CSMD1: variants seen among roughly 807,000 people sequenced by gnomAD.
CSMD1 encodes the protein CUB and sushi domain-containing protein 1.
A neutral mutation model predicts 417.5 loss-of-function variants in CSMD1; 213 were observed. That is an observed-to-expected ratio of 0.51 (90% CI 0.46 to 0.57). The LOEUF is 0.57. Ranked by LOEUF, CSMD1 falls within the 20% of genes least tolerant of loss-of-function variation. The pLI is 0.00. For missense variants in CSMD1, 6,923 were observed against 4,529.7 expected, an observed-to-expected ratio of 1.53 and a Z score of -15.17; for synonymous variants, 2,862 against 1,736.8, an observed-to-expected ratio of 1.65 and a Z score of -16.11.
At chr8:4,254,029 G>T (rs189418010) in intron 3 of CSMD1, among the ~76,000 whole-genome samples, 1 of 140,846 alleles carries the variant, frequency 7.1e-6, no homozygotes, top group African/African-American at 2.6e-5. Context: ...CCATTCTCCC[G>T]CCTCAGCCTC....
At position 4,856,485 on chromosome 8, in the gene CSMD1, G is replaced by C. The variant is rs1156808262; in HGVS notation, c.85+137847C>G. Among the ~76,000 whole-genome samples the C allele has an allele frequency of 4.7e-4, 66 of 139,700 alleles. 14 individuals are homozygous for C. Among genetic ancestry groups the C allele is most frequent in the African/African-American group, 1.8e-3 (62 of 33,786 alleles). The allele number at this position is 139,700 out of a possible 152,430, so 91.6% of individuals were successfully genotyped here. ...CACAGACTGGCAAATTGGATAAATA[G>C]TCAACACCCATCAGTGTGCTGTATT... On this transcript the variant is annotated intron_variant, in intron 1 of 69. Transcript: ENST00000635120.
intron 5 of CSMD1, among the ~76,000 whole-genome samples, chr8:3,793,344 A>G (rs1461528746): frequency 2.6e-5 from 4 of 152,170 alleles, no homozygotes; most frequent in Non-Finnish European, 4.4e-5. Flanking sequence ...GTCCATGACT[A>G]TCATTTAAAT....
chr8:4,904,236 G>C (rs1007035241), intron 1 of CSMD1, among the ~76,000 whole-genome samples: 4 of 152,098 alleles, frequency 2.6e-5, no homozygotes, highest in African/African-American at 9.7e-5. Context: ...ATCATAGAAA[G>C]CTCCAATTCC....
intron 1 of CSMD1, among the ~76,000 whole-genome samples, chr8:4,928,687 C>T (rs1282801396): frequency 1.3e-5 from 2 of 152,084 alleles, no homozygotes; most frequent in Admixed American, 6.5e-5. Context: ...CTGAATTGTG[C>T]CACCCTAGAA....
chr8:4,575,567 C>T (rs182223846), intron 2 of CSMD1, among the ~76,000 whole-genome samples: 4 of 152,280 alleles, frequency 2.6e-5, no homozygotes, highest in African/African-American at 9.6e-5. Flanking sequence ...CACTTTGAGA[C>T]AGAAAGTTGT....
intron 10 of CSMD1, among the ~76,000 whole-genome samples, chr8:3,510,656 T>C (rs1797025816): frequency 6.7e-6 from 1 of 149,078 alleles, no homozygotes; most frequent in African/African-American, 2.5e-5. Context: ...ACATTTCAGA[T>C]TATGTAAGAT....
At chr8:3,818,663 A>G (rs1160135436) in intron 5 of CSMD1, among the ~76,000 whole-genome samples, 1 of 152,204 alleles carries the variant, frequency 6.6e-6, no homozygotes, top group African/African-American at 2.4e-5. Context: ...GTCTGATGAC[A>G]GCAATGATGA....
At chr8:4,870,123 G>C (rs1454882455) in intron 1 of CSMD1, among the ~76,000 whole-genome samples, 2 of 152,020 alleles carry the variant, frequency 1.3e-5, no homozygotes, top group East Asian at 1.9e-4. Context: ...TTTATATTCA[G>C]TTAATCTAAT....
intron 51 of CSMD1, among the ~76,000 whole-genome samples, chr8:3,022,378 C>T (rs948728540): frequency 2.7e-5 from 4 of 150,254 alleles, no homozygotes; most frequent in South Asian, 2.1e-4. Flanking sequence ...GGAATGCACC[C>T]GCAATCCCAC....
At chr8:3,887,720 T>G (rs1490434632) in intron 5 of CSMD1, among the ~76,000 whole-genome samples, 1 of 152,222 alleles carries the variant, frequency 6.6e-6, no homozygotes, top group East Asian at 1.9e-4. Flanking sequence ...GGAAATAGCT[T>G]TGATCTGTGG....
chr8:3,019,952 T>G (rs7818639), intron 51 of CSMD1, among the ~76,000 whole-genome samples: 6 of 152,040 alleles, frequency 3.9e-5, no homozygotes, highest in Admixed American at 3.3e-4. Flanking sequence ...GCATTAAGAG[T>G]GCTAGGTGAG....
chr8:4,944,726 A>T (rs1808252903), intron 1 of CSMD1, among the ~76,000 whole-genome samples: 1 of 152,178 alleles, frequency 6.6e-6, no homozygotes, highest in South Asian at 2.1e-4. Context: ...TCGAAAAGAA[A>T]TAAATCAATA....
chr8:3,622,454 T>C (rs1469591444), intron 7 of CSMD1, among the ~76,000 whole-genome samples: 3 of 152,228 alleles, frequency 2.0e-5, no homozygotes, highest in African/African-American at 7.2e-5. Context: ...CTTTTCTATT[T>C]TTCTCACAAG....
In CSMD1 at chr8:3,668,034, G is replaced by T. The variant is rs574468867; in HGVS notation, c.1009+40380C>A. On this transcript the variant is annotated intron_variant, in intron 7 of 69. Coordinates refer to ENST00000635120, the MANE Select transcript of CSMD1 (RefSeq NM_033225.6). Reference sequence around the variant, plus strand: ...TCAGAGCAAGCTGGCTTCTCCCCCAGTCCCCATCCCAAGGATGAGCCTTGC... The same window carrying T: ...TCAGAGCAAGCTGGCTTCTCCCCCATTCCCCATCCCAAGGATGAGCCTTGC... 2.0e-5 allele frequency among the ~76,000 whole-genome samples: 3 copies of T among 152,120 alleles called. No individual in the cohort carries two copies. In the South Asian group the frequency reaches 6.2e-4, roughly 32 times the overall value.
intron 2 of CSMD1, among the ~76,000 whole-genome samples, chr8:4,459,539 G>A (rs1265564244): frequency 1.3e-5 from 2 of 152,200 alleles, no homozygotes; most frequent in African/African-American, 2.4e-5. Context: ...ATTTAGAGGA[G>A]CCTGGTGCTT....
At chr8:4,270,673 C>A (rs544803997) in intron 3 of CSMD1, among the ~76,000 whole-genome samples, 1 of 152,186 alleles carries the variant, frequency 6.6e-6, no homozygotes, top group African/African-American at 2.4e-5. Context: ...AATGTAGCTC[C>A]TTTCTTCTAC....
At chr8:3,643,815 C>G (rs575228458) in intron 7 of CSMD1, among the ~76,000 whole-genome samples, 2 of 151,866 alleles carry the variant, frequency 1.3e-5, no homozygotes, top group East Asian at 1.9e-4. Flanking sequence ...GGAATCAAAC[C>G]ACAGGGTTAA....
At chr8:3,809,195 C>T (rs998037104) in intron 5 of CSMD1, among the ~76,000 whole-genome samples, 4 of 152,162 alleles carry the variant, frequency 2.6e-5, no homozygotes, top group African/African-American at 9.6e-5. Context: ...ACTAATATAA[C>T]TTCTCACCCA....
intron 1 of CSMD1, among the ~76,000 whole-genome samples, chr8:4,958,539 T>A (rs962542819): frequency 6.6e-6 from 1 of 152,196 alleles, no homozygotes; most frequent in Non-Finnish European, 1.5e-5. Context: ...CCACAGTTAA[T>A]TTATAAGCTC....
Sources: allele counts gnomAD v4.1 joint callset (sites outside exome capture counted in the v4.1 genomes callset), GRCh38; gene constraint gnomAD v4.1.1; transcripts MANE v1.5; gene names NCBI Gene and HGNC (gene_info 2026-07-23, HGNC 2026-07-21).